Variants in AK5 observed in about 807,000 individuals in gnomAD.
AK5 encodes adenylate kinase isoenzyme 5.
In AK5, 27 loss-of-function variants were observed where a neutral mutation model predicts 69.5. That is an observed-to-expected ratio of 0.39 (90% CI 0.29 to 0.54). AK5 has a LOEUF of 0.54. Among genes scored for constraint, AK5 ranks in the 20% least tolerant of loss-of-function variants. AK5 has a pLI of 0.71. For missense variants in AK5, 531 were observed against 700.4 expected, an observed-to-expected ratio of 0.76 and a Z score of 2.73; for synonymous variants, 260 against 244.4, an observed-to-expected ratio of 1.06 and a Z score of -0.60.
At chr1:77,377,489 C>T (rs1647326937) in intron 6 of AK5, among the ~76,000 whole-genome samples, 1 of 152,152 alleles carries the variant, frequency 6.6e-6, no homozygotes, top group African/African-American at 2.4e-5. Context: ...TTAGTCTCTT[C>T]CTCCCTCCCA....
At chr1:77,289,136 A>T (rs1428565528) in intron 2 of AK5, among the ~76,000 whole-genome samples, 1 of 152,184 alleles carries the variant, frequency 6.6e-6, no homozygotes, top group African/African-American at 2.4e-5. Context: ...AATCAGCAGG[A>T]TTTCTGGTTC....
rs751543646 is a variant in AK5, at chr1:77,348,734, TACACACCC to T, written c.891+8189_891+8196del. Reference sequence around the variant, plus strand: ...TTCAACCCTGCAGGTTCTATATGTATACACACCCACACACCCACACACCCACACACACA... The same window carrying T: ...TTCAACCCTGCAGGTTCTATATGTATACACACCCACACACCCACACACACA... On this transcript the variant is annotated intron_variant, in intron 6 of 13. Transcript: ENST00000354567. Among the ~76,000 whole-genome samples, 39 of 151,878 alleles carry T rather than the reference TACACACCC, an allele frequency of 2.6e-4. 1 individual carries two copies. Among genetic ancestry groups the T allele is most frequent in the East Asian group, 1.2e-3 (6 of 5,190 alleles).
chr1:77,469,693 C>G (rs1654346493), intron 8 of AK5, among the ~76,000 whole-genome samples: 1 of 152,250 alleles, frequency 6.6e-6, no homozygotes, highest in African/African-American at 2.4e-5. Context: ...ATGACCCAAA[C>G]TGTGCTCCAT....
At chr1:77,342,081 G>T (rs549176104) in intron 6 of AK5, among the ~76,000 whole-genome samples, 1 of 152,096 alleles carries the variant, frequency 6.6e-6, no homozygotes, top group African/African-American at 2.4e-5. Context: ...TGTATTTTTA[G>T]TAGAGATGGG....
intron 5 of AK5, among the ~76,000 whole-genome samples, chr1:77,326,042 T>G (rs1660786898): frequency 6.6e-6 from 1 of 152,178 alleles, no homozygotes; most frequent in South Asian, 2.1e-4. Flanking sequence ...GAGAACAAGA[T>G]GCACTAAAGA....
chr1:77,492,717 G>A (rs1444102784), intron 10 of AK5, among the ~76,000 whole-genome samples: 5 of 152,208 alleles, frequency 3.3e-5, no homozygotes, highest in African/African-American at 1.2e-4. Context: ...GTGTTTCTCT[G>A]TGCCCAGTAG....
At chr1:77,404,956 T>C (rs939206438) in intron 6 of AK5, among the ~76,000 whole-genome samples, 2 of 152,228 alleles carry the variant, frequency 1.3e-5, no homozygotes, top group African/African-American at 4.8e-5. Flanking sequence ...AAAATATTCT[T>C]GTTCAAATTA....
intron 3 of AK5, among the ~76,000 whole-genome samples, chr1:77,295,066 A>G (rs1156447129): frequency 6.6e-6 from 1 of 152,184 alleles, no homozygotes. Context: ...CTTTCTCAAA[A>G]TCTATAACAA....
intron 6 of AK5, among the ~76,000 whole-genome samples, chr1:77,347,802 A>G (rs996124847): frequency 3.3e-5 from 5 of 152,186 alleles, no homozygotes; most frequent in Non-Finnish European, 5.9e-5. Flanking sequence ...TACCACATTT[A>G]TAGCTCATCC....
chr1:77,402,820 A>C (rs1367193374), intron 6 of AK5, among the ~76,000 whole-genome samples: 1 of 152,134 alleles, frequency 6.6e-6, no homozygotes, highest in East Asian at 1.9e-4. Flanking sequence ...CAGTAATGGG[A>C]TGGCTGGGTC....
intron 12 of AK5, among the ~76,000 whole-genome samples, chr1:77,530,337 T>G (rs1380498410): frequency 6.6e-6 from 1 of 152,240 alleles, no homozygotes; most frequent in East Asian, 1.9e-4. Context: ...TATTCAGGAA[T>G]GCTGGAATGA....
Position 77,558,825 on chromosome 1 carries a change from G to C in AK5, c.*155G>C. On this transcript the variant is annotated 3_prime_UTR_variant, in exon 14 of 14. Coordinates refer to ENST00000354567, the MANE Select transcript of AK5 (RefSeq NM_174858.3). ...CACTGTTTGCTTCCCAGCTAGACCT[G>C]TGTGAGAGGTGTCTGGAAATCATGC... 1.6e-6 allele frequency: 1 copy of C among 613,634 alleles called. No individual in the cohort carries two copies. The highest frequency in any genetic ancestry group is 2.9e-5 in the Admixed American group (1 of 33,908). 38.0% of individuals were successfully genotyped at this position (613,634 alleles called of 1,614,324 possible).
At chr1:77,533,943 T>A (rs981163568) in intron 12 of AK5, among the ~76,000 whole-genome samples, 10 of 151,976 alleles carry the variant, frequency 6.6e-5, no homozygotes, top group Non-Finnish European at 1.3e-4. Flanking sequence ...GCTGCACAAA[T>A]GCTCTTTTTT....
chr1:77,536,992 A>G (rs1659007781), intron 13 of AK5, among the ~76,000 whole-genome samples: 1 of 152,168 alleles, frequency 6.6e-6, no homozygotes, highest in African/African-American at 2.4e-5. Context: ...TCCCATAACT[A>G]TGTATCAGGA....
chr1:77,464,729 G>A (rs763110015), intron 8 of AK5, among the ~76,000 whole-genome samples: 11 of 152,236 alleles, frequency 7.2e-5, no homozygotes, highest in Admixed American at 5.9e-4. Flanking sequence ...GGAGCAGAGC[G>A]ATAACATGGA....
At chr1:77,433,162 T>A (rs1466677230) in intron 8 of AK5, among the ~76,000 whole-genome samples, 1 of 152,164 alleles carries the variant, frequency 6.6e-6, no homozygotes, top group African/African-American at 2.4e-5. Context: ...TGAAGAAAAT[T>A]AGGAGAATTC....
intron 8 of AK5, among the ~76,000 whole-genome samples, chr1:77,451,867 A>G (rs987798599): frequency 5.9e-5 from 9 of 152,198 alleles, no homozygotes; most frequent in African/African-American, 1.9e-4. Context: ...TCTGTAAGGT[A>G]CCCATTTGAA....
At chr1:77,377,494 C>G (rs988107875) in intron 6 of AK5, among the ~76,000 whole-genome samples, 16 of 152,170 alleles carry the variant, frequency 1.1e-4, no homozygotes, top group Non-Finnish European at 1.3e-4. Context: ...CTCTTCCTCC[C>G]TCCCATGCCA....
intron 1 of AK5, among the ~76,000 whole-genome samples, chr1:77,283,913 C>G (rs1486859671): frequency 2.6e-5 from 4 of 152,232 alleles, no homozygotes. Context: ...CATAGTACAT[C>G]TTTTTTTCTT....
Sources: gnomAD v4.1 joint callset for allele counts (sites outside exome capture counted in the v4.1 genomes callset) on GRCh38, gnomAD v4.1.1 for gene constraint, MANE v1.5 for transcripts, NCBI Gene and HGNC (gene_info 2026-07-23, HGNC 2026-07-21) for gene names.